Variants in PRKD1 observed in about 807,000 individuals in gnomAD.
PRKD1 encodes serine/threonine-protein kinase D1.
A neutral mutation model predicts 95.9 loss-of-function variants in PRKD1; 63 were observed. The observed-to-expected ratio is 0.66, with a 90% CI of 0.54 to 0.81. The LOEUF is 0.81. Ranked by LOEUF, PRKD1 falls within the 30% of genes least tolerant of loss-of-function variation. The probability of loss-of-function intolerance (pLI) is 0.00; values close to 1 mark genes in which losing one functional copy is unlikely to be tolerated. For missense variants in PRKD1, 1,048 were observed against 1,165.3 expected (o/e 0.90, Z 1.47); for synonymous variants, 425 against 423.1 (o/e 1.00, Z -0.05).
At chr14:29,790,473 A>G (rs2139192392) in intron 1 of PRKD1, among the ~76,000 whole-genome samples, 1 of 152,312 alleles carries the variant, frequency 6.6e-6, no homozygotes, top group South Asian at 2.1e-4. Context: ...TGATATAAGC[A>G]TTAATCAATT....
At chr14:29,810,613 T>C (rs1195706651) in intron 1 of PRKD1, among the ~76,000 whole-genome samples, 1 of 152,268 alleles carries the variant, frequency 6.6e-6, no homozygotes, top group Non-Finnish European at 1.5e-5. Flanking sequence ...TTTCAATAGA[T>C]ATGTATACAC....
intron 1 of PRKD1, among the ~76,000 whole-genome samples, chr14:29,878,866 A>T (rs1273572763): frequency 6.6e-6 from 1 of 152,160 alleles, no homozygotes; most frequent in Non-Finnish European, 1.5e-5. Flanking sequence ...AATATTACTA[A>T]ATTGTACACT....
intron 1 of PRKD1, among the ~76,000 whole-genome samples, chr14:29,865,735 G>A (rs1892874945): frequency 6.6e-6 from 1 of 152,122 alleles, no homozygotes; most frequent in Non-Finnish European, 1.5e-5. Context: ...CAGCATAAAA[G>A]GACTAAGACA....
intron 1 of PRKD1, among the ~76,000 whole-genome samples, chr14:29,924,473 C>G (rs1264686346): frequency 6.6e-6 from 1 of 152,122 alleles, no homozygotes; most frequent in African/African-American, 2.4e-5. Context: ...AGGAAATGTC[C>G]TGTGATGTTA....
intron 1 of PRKD1, among the ~76,000 whole-genome samples, chr14:29,733,622 G>A (rs1886565193): frequency 6.6e-6 from 1 of 152,122 alleles, no homozygotes; most frequent in Non-Finnish European, 1.5e-5. Flanking sequence ...GCTGCAGGAA[G>A]GAGAATTGCT....
chr14:29,784,690 G>A (rs570965304), intron 1 of PRKD1, among the ~76,000 whole-genome samples: 6 of 152,144 alleles, frequency 3.9e-5, no homozygotes, highest in Admixed American at 3.9e-4. Flanking sequence ...GTTGCCTGTG[G>A]TCTGAGGGTT....
chr14:29,688,905 C>G (rs1192805736), intron 2 of PRKD1, among the ~76,000 whole-genome samples: 1 of 137,400 alleles, frequency 7.3e-6, no homozygotes, highest in African/African-American at 2.8e-5. Flanking sequence ...GCAGAGACCA[C>G]GCCACTGCAC....
At chr14:29,692,956 G>C (rs1031045358) in intron 2 of PRKD1, among the ~76,000 whole-genome samples, 3 of 152,092 alleles carry the variant, frequency 2.0e-5, no homozygotes, top group African/African-American at 7.2e-5. Context: ...GTGAAGTATA[G>C]GCCATATGCA....
At chr14:29,895,634 T>A (rs1441672172) in intron 1 of PRKD1, among the ~76,000 whole-genome samples, 1 of 151,916 alleles carries the variant, frequency 6.6e-6, no homozygotes, top group Non-Finnish European at 1.5e-5. Context: ...GACTTTCACC[T>A]CTCTTATCTC....
At chr14:29,847,651 C>G (rs1455651909) in intron 1 of PRKD1, among the ~76,000 whole-genome samples, 1 of 152,168 alleles carries the variant, frequency 6.6e-6, no homozygotes, top group Non-Finnish European at 1.5e-5. Flanking sequence ...TATGCTCAAA[C>G]AGGTATCAAA....
At chr14:29,681,820 T>A in intron 2 of PRKD1, among the ~76,000 whole-genome samples, 1 of 152,236 alleles carries the variant, frequency 6.6e-6, no homozygotes, top group East Asian at 1.9e-4. Flanking sequence ...TAGCTTTAAT[T>A]CTGCTCTTTT....
intron 1 of PRKD1, among the ~76,000 whole-genome samples, chr14:29,768,324 T>C (rs1888344201): frequency 6.6e-6 from 1 of 152,228 alleles, no homozygotes; most frequent in African/African-American, 2.4e-5. Flanking sequence ...TAACAAGAGA[T>C]GTCAAGTTAA....
chr14:29,903,687 G>A (rs1211218295), intron 1 of PRKD1, among the ~76,000 whole-genome samples: 1 of 152,084 alleles, frequency 6.6e-6, no homozygotes, highest in Admixed American at 6.6e-5. Flanking sequence ...AAAATAATCT[G>A]AGGAGAAAGG....
At chr14:29,805,731 A>AG (rs1447180408) in intron 1 of PRKD1, among the ~76,000 whole-genome samples, 1 of 152,208 alleles carries the variant, frequency 6.6e-6, no homozygotes, top group African/African-American at 2.4e-5. Flanking sequence ...TGGGTGGTAG[A>AG]GCCAAGAGCC....
chr14:29,656,023 T>C (rs1881815512), intron 4 of PRKD1, among the ~76,000 whole-genome samples: 3 of 152,082 alleles, frequency 2.0e-5, no homozygotes. Context: ...ACTGGGATGG[T>C]GTCCTCACTT....
intron 1 of PRKD1, among the ~76,000 whole-genome samples, chr14:29,821,202 C>T (rs1221215608): frequency 2.6e-5 from 4 of 152,154 alleles, no homozygotes; most frequent in African/African-American, 9.7e-5. Context: ...TAATTAAATA[C>T]ATGACTGTGT....
Position 29,626,526 on chromosome 14 carries a change from C to T in PRKD1, c.1756G>A (p.Asp586Asn). ...DISTVYQIFP[D>N]EVLGSGQFGI... is the part of the protein sequence containing the mutation. Reference sequence around the variant, plus strand: ...AACTGTCCAGAACCCAGTACTTCATCAGGAAAAATCTGATATACTGTGCTG... The same window carrying T: ...AACTGTCCAGAACCCAGTACTTCATTAGGAAAAATCTGATATACTGTGCTG... The change falls in exon 12 of 18, where the codon GAT becomes AAT. Residue 586 changes from aspartate to asparagine, a missense_variant. This residue lies in a region of PRKD1 where 739 missense variants were observed against 861.9 expected (regional missense o/e 0.86). Coordinates refer to ENST00000331968, the MANE Select transcript of PRKD1 (RefSeq NM_002742.3). 1 of 1,611,746 alleles carries T rather than the reference C, an allele frequency of 6.2e-7. No homozygotes were observed. Among genetic ancestry groups the T allele is most frequent in the Non-Finnish European group, 8.5e-7 (1 of 1,179,034 alleles).
intron 2 of PRKD1, among the ~76,000 whole-genome samples, chr14:29,681,288 C>T (rs1215506158): frequency 2.0e-5 from 3 of 152,004 alleles, no homozygotes; most frequent in Non-Finnish European, 4.4e-5. Context: ...GCAAATAAAA[C>T]AAAGTTTTCT....
At chr14:29,681,034 C>A (rs894610142) in intron 2 of PRKD1, among the ~76,000 whole-genome samples, 4 of 151,896 alleles carry the variant, frequency 2.6e-5, no homozygotes, top group Admixed American at 1.3e-4. Context: ...TAAAAGGGAG[C>A]GAAGGAGCAG....
Sources: gnomAD v4.1 joint callset for allele counts (sites outside exome capture counted in the v4.1 genomes callset) on GRCh38, gnomAD v4.1.1 for gene constraint, gnomAD v4.1.1 regional missense constraint, MANE v1.5 for transcripts, NCBI Gene and HGNC (gene_info 2026-07-23, HGNC 2026-07-21) for gene names.